Variants in MLXIPL observed in about 807,000 individuals in gnomAD.
The protein encoded by MLXIPL is carbohydrate-responsive element-binding protein.
Under a neutral mutation model 81.5 loss-of-function variants are expected in MLXIPL, and 49 were observed. The ratio of observed to expected loss-of-function variants is 0.60; its 90% CI spans 0.48 to 0.76. The LOEUF (loss-of-function observed/expected upper bound fraction) is 0.76. MLXIPL is among the 30% of genes least tolerant of loss of function. The pLI, the probability that MLXIPL is intolerant of heterozygous loss-of-function variation, is 0.00. For synonymous variants in MLXIPL, 466 were observed against 485.5 expected (o/e 0.96, Z 0.53); for missense variants, 1,053 against 1,167.0 (o/e 0.90, Z 1.42).
chr7:73,618,317 G>A (rs1231081285), intron 1 of MLXIPL, among the ~76,000 whole-genome samples: 1 of 152,134 alleles, frequency 6.6e-6, no homozygotes, highest in Non-Finnish European at 1.5e-5. Flanking sequence ...GGCTGGTCTC[G>A]AACTCCTGAC....
Position 73,606,833 on chromosome 7 carries a change from C to A in MLXIPL, c.618+141G>T, listed in dbSNP as rs145502983. ...AGAGAAGAGCTCAACAAATGAACCA[C>A]AGGATGGCAGTAACATCCCACATTC... On this transcript the variant is annotated intron_variant, in intron 5 of 16. Coordinates refer to ENST00000313375, the MANE Select transcript of MLXIPL (RefSeq NM_032951.3). The A allele has an allele frequency of 1.1e-4, 102 of 931,942 alleles. No individual in the cohort carries two copies. The African/African-American group carries it at 1.4e-3, about 12-fold the overall frequency. The allele number at this position is 931,942 out of a possible 1,614,324, so 57.7% of individuals were successfully genotyped here. A position where few individuals can be genotyped will look rare whatever the true frequency, so the allele number is the denominator to read the frequency against.
chr7:73,644,833 C>CCT, the MLXIPL span, among the ~76,000 whole-genome samples: 1 of 152,210 alleles, frequency 6.6e-6, no homozygotes, highest in Non-Finnish European at 1.5e-5. Flanking sequence ...AATCTCCTGG[C>CCT]CTCTCCCCTG....
rs1485508949 is a variant in MLXIPL at position 73,616,314 on chromosome 7, C to T, written c.294-137G>A. 3 of 749,738 alleles carry T rather than the reference C, an allele frequency of 4.0e-6. No homozygotes were observed. In the Admixed American group the frequency reaches 6.0e-5, roughly 15 times the overall value. The allele number at this position is 749,738 out of a possible 1,614,324, so 46.4% of individuals were successfully genotyped here. A position where few individuals can be genotyped will look rare whatever the true frequency, so the allele number is the denominator to read the frequency against. On this transcript the variant is annotated intron_variant, in intron 1 of 16. Coordinates refer to ENST00000313375, the MANE Select transcript of MLXIPL (RefSeq NM_032951.3). ...CTCCAAATCTGGCCCCCCAACCCAA[C>T]CTGCCTGAAATTCCTATCCAGAGAG...
rs548950264 is a variant in MLXIPL, at chr7:73,620,370, C to T, written c.293+3830G>A. Among the ~76,000 whole-genome samples the T allele has an allele frequency of 2.6e-5, 4 of 151,840 alleles. No individual in the cohort carries two copies. In the East Asian group the frequency reaches 7.7e-4, roughly 29 times the overall value. ...AGTGAGCCGAGATCATGCCATTGTA[C>T]TCCAGCTTGAGTGTCACAGCGAGAC... On this transcript the variant is annotated intron_variant, in intron 1 of 16. Coordinates refer to ENST00000313375, the MANE Select transcript of MLXIPL (RefSeq NM_032951.3).
Position 73,606,449 on chromosome 7 carries a change from G to A in MLXIPL, c.619-338C>T, listed in dbSNP as rs1487610114. 6 of 379,012 alleles carry A rather than the reference G, an allele frequency of 1.6e-5. No homozygotes were observed. In the East Asian group the frequency reaches 1.7e-4, roughly 11 times the overall value. The allele number at this position is 379,012 out of a possible 1,614,324, so 23.5% of individuals were successfully genotyped here. On this transcript the variant is annotated intron_variant, in intron 5 of 16. Coordinates refer to ENST00000313375, the MANE Select transcript of MLXIPL (RefSeq NM_032951.3). ...TTTTCTTTTTTTTTTTTTTGGAGAC[G>A]GAGTCTCACTCTGTTGCCCAGGCTG...
chr7:73,594,427 C>CTGTG lies in MLXIPL; in HGVS notation c.2311-28_2311-25dup, dbSNP rs1584062958. On this transcript the variant is annotated intron_variant, in intron 15 of 16. Coordinates refer to ENST00000313375, the MANE Select transcript of MLXIPL (RefSeq NM_032951.3). ...AACTGGGCCCAGGTCAAGGAGCTGCCTGTGGTCCAGCTGGTCCCCCCACAC... is the reference window on the plus strand; with the variant it reads ...AACTGGGCCCAGGTCAAGGAGCTGCCTGTGTGTGGTCCAGCTGGTCCCCCCACAC... 5 of 1,599,762 alleles carry CTGTG rather than the reference C, an allele frequency of 3.1e-6. No homozygotes were observed. In the East Asian group the frequency reaches 1.1e-4, roughly 36 times the overall value.
At chr7:73,637,896 CA>C in the MLXIPL span, among the ~76,000 whole-genome samples, 14 of 152,170 alleles carry the variant, frequency 9.2e-5, 1 homozygote, top group Non-Finnish European at 1.5e-5. Context: ...GGGGGATTCC[CA>C]AATGGCCCTA....
chr7:73,594,395 G>T lies in MLXIPL; in HGVS notation c.2319C>A (p.Ile773=). The part of the protein sequence containing the change: ...LHNWKFWVFS[I]LIRPLFESFN... ...AGGACTCAAACAGAGGCCGGATGAG[G>T]ATGCTGAACTGGGCCCAGGTCAAGG... Residue 773 remains isoleucine (I), a synonymous_variant, in exon 16 of 17, where the codon ATC becomes ATA. Coordinates refer to ENST00000313375, the MANE Select transcript of MLXIPL (RefSeq NM_032951.3). The T allele has an allele frequency of 6.2e-7, 1 of 1,603,058 alleles. No homozygotes were observed.
At chr7:73,602,073 T>C (rs1794877151) in intron 7 of MLXIPL, among the ~76,000 whole-genome samples, 1 of 109,524 alleles carries the variant, frequency 9.1e-6, no homozygotes, top group African/African-American at 3.1e-5. Context: ...GCTGTCCACC[T>C]GCCTGCCTGC....
chr7:73,621,807 C>T (rs1796388307), intron 1 of MLXIPL, among the ~76,000 whole-genome samples: 1 of 107,886 alleles, frequency 9.3e-6, no homozygotes, highest in South Asian at 4.0e-4. Context: ...CCTTCCCTCT[C>T]CCTCCCTCCA....
intron 2 of MLXIPL, among the ~76,000 whole-genome samples, chr7:73,612,170 T>A (rs994237525): frequency 1.1e-4 from 16 of 146,892 alleles, no homozygotes; most frequent in Non-Finnish European, 1.5e-4. Flanking sequence ...TACAAAAAAT[T>A]AAAAATAAAA....
chr7:73,596,231 CT>C lies in MLXIPL; in HGVS notation c.1979del (p.Lys660SerfsTer17). 3 of 1,613,192 alleles carry C rather than the reference CT, an allele frequency of 1.9e-6. No individual in the cohort carries two copies. The highest frequency in any genetic ancestry group is 2.5e-6 in the Non-Finnish European group (3 of 1,179,962). On this transcript the variant is annotated frameshift_variant, in exon 13 of 17. Transcript: ENST00000313375. LOFTEE classifies it high-confidence loss of function. The surrounding 1 kb of genome is among the most constrained non-coding windows in gnomAD (Gnocchi z 4.7). ...RRITHISAEQ[K>X]RRFNIKLGFD... ...ACCCCAGCTTGATGTTGAAGCGCCG[CT>C]TCTGCTCCGCGGAGATGTGTGTGAT...
chr7:73,624,295 G>T lies in MLXIPL; in HGVS notation c.198C>A (p.Arg66=). The part of the protein sequence containing the change: ...SPHSDSLPRR[R]DQEGSVGPSD... ...AGGGCCCCACGGACCCCTCCTGGTC[G>T]CGCCGCCGGGGCAGCGAGTCGCTGT... The change falls in exon 1 of 17, where the codon CGC becomes CGA. Residue 66 remains arginine (R), a synonymous_variant. Transcript: ENST00000313375. The T allele has an allele frequency of 6.3e-7, 1 of 1,585,830 alleles. No homozygotes were observed. Among genetic ancestry groups the T allele is most frequent in the East Asian group, 2.3e-5 (1 of 43,430 alleles).
chr7:73,595,200 CCCT>C (rs1794175911), intron 15 of MLXIPL, among the ~76,000 whole-genome samples: 1 of 152,040 alleles, frequency 6.6e-6, no homozygotes, highest in South Asian at 2.1e-4. Context: ...CCTCTCAGTC[CCCT>C]CCTCCTTGCC....
At chr7:73,618,255 C>T (rs1429882249) in intron 1 of MLXIPL, among the ~76,000 whole-genome samples, 2 of 152,194 alleles carry the variant, frequency 1.3e-5, no homozygotes, top group Admixed American at 1.3e-4. Flanking sequence ...TGCCATGACA[C>T]CCAGCTCACT....
chr7:73,638,324 G>A, the MLXIPL span, among the ~76,000 whole-genome samples: 1 of 151,932 alleles, frequency 6.6e-6, no homozygotes, highest in Middle Eastern at 3.2e-3. Context: ...TATTTTTTGG[G>A]GACAGAATCT....
the MLXIPL span, among the ~76,000 whole-genome samples, chr7:73,641,532 G>T: frequency 2.6e-5 from 4 of 152,048 alleles, no homozygotes; most frequent in African/African-American, 9.7e-5. Context: ...TAAAAATTCC[G>T]ATAGCCACCG....
At chr7:73,638,071 G>T in the MLXIPL span, among the ~76,000 whole-genome samples, 1 of 152,022 alleles carries the variant, frequency 6.6e-6, no homozygotes, top group African/African-American at 2.4e-5. Flanking sequence ...GTCTGGTCTT[G>T]TCCCATCCAT....
intron 1 of MLXIPL, among the ~76,000 whole-genome samples, chr7:73,619,842 A>G (rs1245365118): frequency 6.6e-6 from 1 of 151,530 alleles, no homozygotes; most frequent in Non-Finnish European, 1.5e-5. Flanking sequence ...AGGCAGGAGA[A>G]TGGTGTGAAC....
Sources: allele counts gnomAD v4.1 joint callset (sites outside exome capture counted in the v4.1 genomes callset), GRCh38; gene constraint gnomAD v4.1.1; non-coding constraint Gnocchi (gnomAD v3.1); transcripts MANE v1.5; gene names NCBI Gene and HGNC (gene_info 2026-07-23, HGNC 2026-07-21).